The following PRDM5 variants were observed in gnomAD, a reference collection of about 807,000 sequenced individuals.
PRDM5 encodes the protein PR/SET domain 5.
In PRDM5, 56 loss-of-function variants were observed where a neutral mutation model predicts 81.2. The ratio of observed to expected loss-of-function variants is 0.69; its 90% CI spans 0.56 to 0.86. The LOEUF is 0.86. Among genes scored for constraint, PRDM5 ranks in the 40% least tolerant of loss-of-function variants. PRDM5 has a pLI of 0.00. For synonymous variants in PRDM5, 267 were observed against 256.4 expected (o/e 1.04, Z -0.39); for missense variants, 697 against 770.1 (o/e 0.91, Z 1.12).
At chr4:120,912,424 A>C in intron 1 of PRDM5, among the ~76,000 whole-genome samples, 1 of 152,164 alleles carries the variant, frequency 6.6e-6, no homozygotes, top group East Asian at 1.9e-4. Context: ...AGCCCTGGGA[A>C]TGTAATCAGG....
intron 13 of PRDM5, among the ~76,000 whole-genome samples, chr4:120,755,736 T>C (rs184692924): frequency 1.3e-5 from 2 of 152,214 alleles, no homozygotes; most frequent in Admixed American, 1.3e-4. Context: ...AAATTGTCAG[T>C]TACATTCCTG....
rs141798413 is a variant in PRDM5, at chr4:120,860,390, A to AT, written c.178-6851dup. Among the ~76,000 whole-genome samples the AT allele has an allele frequency of 8.3e-3, 1,264 of 152,088 alleles. 14 individuals carry two copies. The highest frequency in any genetic ancestry group is 0.029 in the African/African-American group (1,195 of 41,490). On this transcript the variant is annotated intron_variant, in intron 2 of 15. Coordinates refer to ENST00000264808, the MANE Select transcript of PRDM5 (RefSeq NM_018699.4). ...TCAAAGTACTTTTTAAATTGGGCTA[A>AT]TTTTTTTTAAAAAAATAAATACCTG... is the stretch of plus-strand genomic sequence containing the variant.
chr4:120,705,027 T>C (rs1735910155), intron 15 of PRDM5, among the ~76,000 whole-genome samples: 1 of 152,170 alleles, frequency 6.6e-6, no homozygotes, highest in Non-Finnish European at 1.5e-5. Flanking sequence ...GACGTATGTT[T>C]TGTAAGTGGT....
At chr4:120,839,807 G>T (rs1169747884) in intron 3 of PRDM5, among the ~76,000 whole-genome samples, 1 of 152,148 alleles carries the variant, frequency 6.6e-6, no homozygotes, top group African/African-American at 2.4e-5. Flanking sequence ...ACACTGAGCT[G>T]CCCTCAGCTC....
Position 120,697,667 on chromosome 4 carries a change from ACTATTT to A in PRDM5, c.1729-2398_1729-2393del, listed in dbSNP as rs764820772. Among the ~76,000 whole-genome samples, 240 of 85,986 alleles carry A rather than the reference ACTATTT, an allele frequency of 2.8e-3. 8 individuals carry two copies. Among genetic ancestry groups the A allele is most frequent in the South Asian group, 5.2e-3 (9 of 1,726 alleles). 56.4% of individuals were successfully genotyped at this position (85,986 alleles called of 152,430 possible). A position where few individuals can be genotyped will look rare whatever the true frequency, so the allele number is the denominator to read the frequency against. On this transcript the variant is annotated intron_variant, in intron 15 of 15. Transcript: ENST00000264808. The stretch of plus-strand genomic sequence containing the variant: ...GGCCAGATGCCACCATGCCCAGCTA[ACTATTT>A]TTTTTTTTTTTTTTTTTTTGTATTT...
intron 14 of PRDM5, among the ~76,000 whole-genome samples, chr4:120,721,056 A>G (rs1738525005): frequency 6.6e-6 from 1 of 152,186 alleles, no homozygotes; most frequent in South Asian, 2.1e-4. Flanking sequence ...GTGTGTATAA[A>G]TGAAATGGCT....
chr4:120,787,884 A>T (rs1039917568), intron 10 of PRDM5, among the ~76,000 whole-genome samples: 2 of 152,212 alleles, frequency 1.3e-5, no homozygotes, highest in African/African-American at 2.4e-5. Flanking sequence ...ATGTCAGATT[A>T]CATATGGTAT....
intron 14 of PRDM5, among the ~76,000 whole-genome samples, chr4:120,744,465 C>T (rs566908784): frequency 1.3e-5 from 2 of 151,952 alleles, no homozygotes; most frequent in African/African-American, 4.8e-5. Context: ...ACACAAAAAA[C>T]CCTTCAAAAA....
intron 2 of PRDM5, among the ~76,000 whole-genome samples, chr4:120,888,621 C>G (rs3115314): frequency 0.25 from 38,716 of 152,000 alleles, 5,686 homozygotes; most frequent in African/African-American, 0.39. Context: ...TAATATCTGT[C>G]TAGTGGAACT....
chr4:120,742,013 G>A (rs1025492586), intron 14 of PRDM5, among the ~76,000 whole-genome samples: 2 of 152,348 alleles, frequency 1.3e-5, no homozygotes, highest in South Asian at 2.1e-4. Flanking sequence ...AACCTCTGCA[G>A]ACTTAAATGT....
At chr4:120,822,770 A>C (rs1179159195) in intron 3 of PRDM5, among the ~76,000 whole-genome samples, 1 of 152,190 alleles carries the variant, frequency 6.6e-6, no homozygotes, top group Non-Finnish European at 1.5e-5. Flanking sequence ...GATCATATGC[A>C]TCCAATCCTA....
chr4:120,788,419 A>G (rs1750078180), intron 10 of PRDM5, among the ~76,000 whole-genome samples: 1 of 152,172 alleles, frequency 6.6e-6, no homozygotes, highest in African/African-American at 2.4e-5. Context: ...TTTTAAAGGA[A>G]AGACAGTGAT....
intron 2 of PRDM5, among the ~76,000 whole-genome samples, chr4:120,906,684 T>C (rs113504936): frequency 2.7e-3 from 417 of 152,310 alleles, no homozygotes; most frequent in Non-Finnish European, 4.9e-3. Flanking sequence ...AGATCTCTGC[T>C]TAAGTGAAAC....
chr4:120,705,809 A>C lies in PRDM5; in HGVS notation c.1728+4500T>G, dbSNP rs540319511. Among the ~76,000 whole-genome samples, 16 of 152,316 alleles carry C rather than the reference A, an allele frequency of 1.1e-4. No homozygotes were observed. In the East Asian group the frequency reaches 2.9e-3, roughly 28 times the overall value. ...GAGCAAAGACAGAAGGAGAGAGAGC[A>C]GTTAAAAAGATATTGCAATATTCCA... On this transcript the variant is annotated intron_variant, in intron 15 of 15. Transcript: ENST00000264808.
At chr4:120,800,090 G>C (rs562778581) in intron 8 of PRDM5, among the ~76,000 whole-genome samples, 1 of 152,304 alleles carries the variant, frequency 6.6e-6, no homozygotes, top group Admixed American at 6.5e-5. Flanking sequence ...TATGTAGCAT[G>C]CAGTTAATAA....
intron 14 of PRDM5, among the ~76,000 whole-genome samples, chr4:120,741,271 A>G (rs971646386): frequency 6.6e-6 from 1 of 152,052 alleles, no homozygotes; most frequent in Non-Finnish European, 1.5e-5. Flanking sequence ...TGCTCCCTTT[A>G]GCATACAGCA....
At chr4:120,909,005 C>T (rs780147297) in intron 1 of PRDM5, among the ~76,000 whole-genome samples, 3 of 152,176 alleles carry the variant, frequency 2.0e-5, no homozygotes, top group Non-Finnish European at 2.9e-5. Context: ...GTAGGAAAAG[C>T]TCCACAAGAA....
chr4:120,853,350 A>C, intron 3 of PRDM5, 68 bp downstream of exon 3: 5 of 1,593,990 alleles, frequency 3.1e-6, no homozygotes, highest in East Asian at 2.2e-5. Context: ...TAAAACAGGG[A>C]GTACAGTCAT....
intron 3 of PRDM5, among the ~76,000 whole-genome samples, chr4:120,836,832 T>A (rs1424534139): frequency 1.3e-5 from 2 of 152,154 alleles, no homozygotes; most frequent in African/African-American, 2.4e-5. Context: ...TACTACTACT[T>A]TAGGGGGGGT....
Sources: gnomAD v4.1 joint callset for allele counts (sites outside exome capture counted in the v4.1 genomes callset) on GRCh38, gnomAD v4.1.1 for gene constraint, MANE v1.5 for transcripts, NCBI Gene and HGNC (gene_info 2026-07-23, HGNC 2026-07-21) for gene names.